PXDN: variants seen among roughly 807,000 people sequenced by gnomAD.
PXDN encodes peroxidasin, also known as peroxidasin homolog.
PXDN carries 77 observed loss-of-function variants against 140.3 expected under a neutral mutation model. The ratio of observed to expected loss-of-function variants is 0.55; its 90% CI spans 0.46 to 0.66. The LOEUF (loss-of-function observed/expected upper bound fraction) is 0.66. Ranked by LOEUF, PXDN falls within the 30% of genes least tolerant of loss-of-function variation. The pLI is 0.00. For synonymous variants in PXDN, 911 were observed against 857.4 expected (o/e 1.06, Z -1.09); for missense variants, 1,838 against 2,039.5 (o/e 0.90, Z 1.90).
chr2:1,743,250 A>G (rs574396252), intron 1 of PXDN, among the ~76,000 whole-genome samples: 6 of 152,286 alleles, frequency 3.9e-5, no homozygotes, highest in South Asian at 2.1e-4. Flanking sequence ...GTCAACCCCA[A>G]CGCAACGCAT....
Position 1,654,338 on chromosome 2 carries a change from C to T in PXDN, c.1946+62G>A, listed in dbSNP as rs557975445. ...TAGAACTGCATGCATTCTTTAATCA[C>T]TCCCACCTTCACCCTAAAGCTCAGT... On this transcript the variant is annotated intron_variant, in intron 15 of 22. Coordinates refer to ENST00000252804, the MANE Select transcript of PXDN (RefSeq NM_012293.3). 68 of 1,198,888 alleles carry T rather than the reference C, an allele frequency of 5.7e-5. 1 individual carries two copies. In the South Asian group the frequency reaches 6.6e-4, roughly 12 times the overall value. 74.3% of individuals were successfully genotyped at this position (1,198,888 alleles called of 1,614,324 possible).
At chr2:1,734,992 C>T (rs985691286) in intron 1 of PXDN, among the ~76,000 whole-genome samples, 57 of 152,350 alleles carry the variant, frequency 3.7e-4, no homozygotes, top group African/African-American at 1.3e-3. Context: ...GTCATTTCAA[C>T]AATGTTCACA....
rs1572119257 is a variant in PXDN, at chr2:1,644,831, C to T, written c.3609-79G>A. 16 of 1,289,460 alleles carry T rather than the reference C, an allele frequency of 1.2e-5. No homozygotes were observed. In the East Asian group the frequency reaches 4.3e-4, roughly 35 times the overall value. 79.9% of individuals were successfully genotyped at this position (1,289,460 alleles called of 1,614,324 possible). ...AAATACAGCAAATATAAAAACAGTT[C>T]TTTCTTTCTATCACTATTTTACATT... On this transcript the variant is annotated intron_variant, in intron 17 of 22. Coordinates refer to ENST00000252804, the MANE Select transcript of PXDN (RefSeq NM_012293.3).
Position 1,744,442 on chromosome 2 carries a change from G to A in PXDN, c.14C>T (p.Ser5Phe). The A allele has an allele frequency of 2.0e-6, 3 of 1,496,270 alleles. No individual in the cohort carries two copies. The highest frequency in any genetic ancestry group is 2.7e-6 in the Non-Finnish European group (3 of 1,130,026). The allele number at this position is 1,496,270 out of a possible 1,614,324, so 92.7% of individuals were successfully genotyped here. Residue 5 changes from serine to phenylalanine, a missense_variant, in exon 1 of 23, where the codon TCC becomes TTC. Physicochemically the swap from Ser to Phe is radical, Grantham distance 155. Around this residue, in one of 5 missense-constraint regions of PXDN, gnomAD observed 231 missense variants for 201.5 expected, o/e 1.15. Transcript: ENST00000252804. ...CAGGCAGCGGCGCCCGGGGCCCCTG[G>A]AGCGCTTGGCCATGGCCGACGGCGC... MAKR[S>F]RGPGRRCLLA...
chr2:1,723,096 G>C (rs1685091530), intron 1 of PXDN, among the ~76,000 whole-genome samples: 1 of 152,094 alleles, frequency 6.6e-6, no homozygotes. Context: ...AGATGGATGA[G>C]TGGTTATGGA....
Position 1,673,816 on chromosome 2 carries a change from C to A in PXDN, c.849-4G>T. 6.2e-7 allele frequency: 1 copy of A among 1,613,896 alleles called. No homozygotes were observed. Among genetic ancestry groups the A allele is most frequent in the Non-Finnish European group, 8.5e-7 (1 of 1,179,780 alleles). ...TGTCTTCATGCTCAGCTCATTACTA[C>A]AAAGACAGAAATATGGTCTGGTCAA... On this transcript the variant is annotated splice_region_variant and splice_polypyrimidine_tract_variant and intron_variant, in intron 8 of 22. Coordinates refer to ENST00000252804, the MANE Select transcript of PXDN (RefSeq NM_012293.3).
At position 1,663,899 on chromosome 2, in the gene PXDN, G is replaced by A. The variant is rs559412748; in HGVS notation, c.1409-136C>T. 86 of 1,039,044 alleles carry A rather than the reference G, an allele frequency of 8.3e-5. 1 individual carries two copies. The East Asian group carries it at 1.9e-3, about 23-fold the overall frequency. The allele number at this position is 1,039,044 out of a possible 1,614,324, so 64.4% of individuals were successfully genotyped here. A position where few individuals can be genotyped will look rare whatever the true frequency, so the allele number is the denominator to read the frequency against. ...GATAATTTGGCCTGGCCCTGCATAA[G>A]CAAATCTTTGCCTCCCCAGCAGACA... On this transcript the variant is annotated intron_variant, in intron 11 of 22. Transcript: ENST00000252804.
intron 9 of PXDN, among the ~76,000 whole-genome samples, chr2:1,669,474 A>AT (rs1445117720): frequency 6.6e-6 from 1 of 152,196 alleles, no homozygotes; most frequent in Admixed American, 6.5e-5. Flanking sequence ...AAAATTTAAA[A>AT]ATATATATAT....
At chr2:1,723,445 G>A (rs1315130243) in intron 1 of PXDN, among the ~76,000 whole-genome samples, 2 of 151,994 alleles carry the variant, frequency 1.3e-5, no homozygotes, top group Non-Finnish European at 2.9e-5. Flanking sequence ...TGGATGAGTG[G>A]TTATGGATGA....
chr2:1,647,274 G>T (rs565936033), intron 17 of PXDN, among the ~76,000 whole-genome samples: 2 of 152,190 alleles, frequency 1.3e-5, no homozygotes. Flanking sequence ...GTGAGTAAAA[G>T]ATGTGAATAT....
At chr2:1,675,256 C>T (rs763625976) in intron 8 of PXDN, among the ~76,000 whole-genome samples, 35 of 152,158 alleles carry the variant, frequency 2.3e-4, no homozygotes, top group African/African-American at 5.3e-4. Flanking sequence ...AGGTGAGACT[C>T]GAGCTGGTGG....
In PXDN at chr2:1,649,276, G is replaced by A; in HGVS notation, c.2504C>T (p.Ala835Val). The A allele has an allele frequency of 6.2e-7, 1 of 1,613,260 alleles. No homozygotes were observed. The highest frequency in any genetic ancestry group is 8.5e-7 in the Non-Finnish European group (1 of 1,179,772). The change falls in exon 17 of 23, where the codon GCC becomes GTC. Residue 835 changes from alanine to valine, a missense_variant. Coordinates refer to ENST00000252804, the MANE Select transcript of PXDN (RefSeq NM_012293.3). The surrounding 1 kb of genome is among the most constrained non-coding windows in gnomAD (Gnocchi z 7.1). The stretch of plus-strand genomic sequence containing the variant: ...GTCGGAGAAGCGTGCCTGGCTCAGG[G>A]CCACCACCGTGGAGTCGAGGTCGTG... ...LDHDLDSTVVALSQARFSDGQ... is the reference protein window; with the variant it reads ...LDHDLDSTVVVLSQARFSDGQ...
At chr2:1,697,012 G>C (rs1285487753) in intron 1 of PXDN, among the ~76,000 whole-genome samples, 1 of 152,200 alleles carries the variant, frequency 6.6e-6, no homozygotes, top group Non-Finnish European at 1.5e-5. Flanking sequence ...CGAGATTCTA[G>C]AGAGCTCAGG....
chr2:1,673,851 G>C, intron 8 of PXDN, 39 bp from the exon 9 acceptor site: 3 of 1,605,796 alleles, frequency 1.9e-6, no homozygotes, highest in Non-Finnish European at 2.6e-6. Flanking sequence ...AGTGTTGAAA[G>C]CACAAAGACG....
intron 9 of PXDN, among the ~76,000 whole-genome samples, chr2:1,672,921 G>A (rs9678166): frequency 0.25 from 38,451 of 152,068 alleles, 5,172 homozygotes; most frequent in Admixed American, 0.37. Flanking sequence ...TAAGGGCTCC[G>A]ACTCTACCGG....
intron 17 of PXDN, among the ~76,000 whole-genome samples, chr2:1,644,998 A>T (rs1682818576): frequency 6.6e-6 from 1 of 152,198 alleles, no homozygotes; most frequent in Non-Finnish European, 1.5e-5. Flanking sequence ...AATTTAGAAA[A>T]GCCAAGAAAA....
chr2:1,663,582 G>A, intron 12 of PXDN, 23 bp downstream of exon 12: 1 of 1,612,594 alleles, frequency 6.2e-7, no homozygotes, highest in Non-Finnish European at 8.5e-7. Flanking sequence ...AATCAATTCA[G>A]TCCACAACCT....
At chr2:1,652,930 CTG>C (rs34590232) in intron 16 of PXDN, 8,889 of 149,182 alleles carry the variant, frequency 0.06, 260 homozygotes, top group Middle Eastern at 0.097. Flanking sequence ...CCTCCGTGCT[CTG>C]TGTGTGTGTG....
chr2:1,726,434 C>G (rs867957339), intron 1 of PXDN, among the ~76,000 whole-genome samples: 2,539 of 28,150 alleles, frequency 0.09, 102 homozygotes, highest in African/African-American at 0.26. Flanking sequence ...GTTGTGGGGT[C>G]GGGGGAGGGG....
Sources: allele counts gnomAD v4.1 joint callset (sites outside exome capture counted in the v4.1 genomes callset), GRCh38; gene constraint gnomAD v4.1.1; regional missense constraint gnomAD v4.1.1; non-coding constraint Gnocchi (gnomAD v3.1); transcripts MANE v1.5; gene names NCBI Gene and HGNC (gene_info 2026-07-23, HGNC 2026-07-21).